HELZ: variants seen among roughly 807,000 people sequenced by gnomAD.
HELZ encodes ATP-dependent RNA helicase with zinc finger domain.
HELZ carries 23 observed loss-of-function variants against 218.2 expected under a neutral mutation model. The ratio of observed to expected loss-of-function variants is 0.11; its 90% CI spans 0.08 to 0.15. HELZ has a LOEUF of 0.15. Ranked by LOEUF, HELZ falls within the 10% of genes least tolerant of loss-of-function variation. The pLI is 1.00. For synonymous variants in HELZ, 814 were observed against 829.4 expected (o/e 0.98, Z 0.32); for missense variants, 1,813 against 2,353.7 (o/e 0.77, Z 4.75).
chr17:67,192,861 A>AT (rs1200334136), intron 9 of HELZ, among the ~76,000 whole-genome samples: 6 of 152,234 alleles, frequency 3.9e-5, no homozygotes, highest in African/African-American at 1.4e-4. Flanking sequence ...TTAATAAATA[A>AT]TTATTAAATT....
At chr17:67,143,522 T>TA (rs2143993111) in intron 21 of HELZ, among the ~76,000 whole-genome samples, 1 of 151,694 alleles carries the variant, frequency 6.6e-6, no homozygotes, top group South Asian at 2.1e-4. Context: ...AGGCTGAAGT[T>TA]AAAGGATCAC....
In HELZ at chr17:67,195,487, G is replaced by T; in HGVS notation, c.430-17C>A. 1.3e-6 allele frequency: 2 copies of T among 1,544,086 alleles called. No individual in the cohort carries two copies. Among genetic ancestry groups the T allele is most frequent in the Non-Finnish European group, 1.8e-6 (2 of 1,117,274 alleles). On this transcript the variant is annotated splice_polypyrimidine_tract_variant and intron_variant, in intron 7 of 32. Coordinates refer to ENST00000358691, the MANE Select transcript of HELZ (RefSeq NM_014877.4). ...AGTTGCTGTCTGCAATTTTCCAAAT[G>T]AAAGAATTTTTTAAACAAGAATAAC...
In HELZ at chr17:67,123,994, G is replaced by A. The variant is rs184590085; in HGVS notation, c.3408C>T (p.Thr1136=). ...CATCATTCTGGAAGTGATCATTCTG[G>A]GTATGATGAAGACTTTTCCCCTTTA... ...SPPKGKSLHH[T]QNDHFQNDGI... Residue 1136 remains threonine, a synonymous_variant, in exon 25 of 33, where the codon ACC becomes ACT. Coordinates refer to ENST00000358691, the MANE Select transcript of HELZ (RefSeq NM_014877.4). 3.7e-6 allele frequency: 6 copies of A among 1,603,566 alleles called. No individual in the cohort carries two copies. In the Admixed American group the frequency reaches 8.4e-5, roughly 22 times the overall value.
chr17:67,183,339 G>A (rs118147481), intron 12 of HELZ, among the ~76,000 whole-genome samples: 1,650 of 152,300 alleles, frequency 0.011, 20 homozygotes, highest in South Asian at 0.017. Context: ...AAACAGCAGA[G>A]TAAGAGCATT....
In HELZ at chr17:67,114,305, C is replaced by G. The variant is rs2037365947; in HGVS notation, c.3918+19G>C. On this transcript the variant is annotated intron_variant, in intron 28 of 32. Transcript: ENST00000358691. ...TCAGACTAAATCCACTAGGACAACA[C>G]AGTAACTAAGCAGCATACCTGTTTT... is the stretch of plus-strand genomic sequence containing the variant. 1 of 1,543,046 alleles carries G rather than the reference C, an allele frequency of 6.5e-7. No individual in the cohort carries two copies. Among genetic ancestry groups the G allele is most frequent in the African/African-American group, 1.4e-5 (1 of 73,296 alleles).
intron 21 of HELZ, among the ~76,000 whole-genome samples, chr17:67,140,974 T>C (rs1486431136): frequency 6.8e-6 from 1 of 146,232 alleles, no homozygotes; most frequent in Non-Finnish European, 1.5e-5. Context: ...AATAATCTTA[T>C]ATTCTACTTT....
At chr17:67,088,882 A>T (rs2036472561) in intron 31 of HELZ, among the ~76,000 whole-genome samples, 1 of 152,246 alleles carries the variant, frequency 6.6e-6, no homozygotes, top group African/African-American at 2.4e-5. Context: ...TCTTTGTCTA[A>T]GGCATTCAAT....
intron 12 of HELZ, among the ~76,000 whole-genome samples, chr17:67,180,506 A>G (rs562964130): frequency 1.3e-5 from 2 of 152,172 alleles, no homozygotes; most frequent in South Asian, 2.1e-4. Flanking sequence ...TACTTTAGGA[A>G]GCTGAAGCGG....
At chr17:67,116,269 A>C (rs2037423390) in intron 27 of HELZ, among the ~76,000 whole-genome samples, 1 of 152,110 alleles carries the variant, frequency 6.6e-6, no homozygotes, top group East Asian at 1.9e-4. Flanking sequence ...AAGGCGGAAA[A>C]ATCAATTGGA....
intron 4 of HELZ, among the ~76,000 whole-genome samples, chr17:67,216,609 G>C (rs2040607821): frequency 6.6e-6 from 1 of 151,042 alleles, no homozygotes; most frequent in Non-Finnish European, 1.5e-5. Flanking sequence ...TGTCTATGTT[G>C]ATGTATTTCA....
intron 2 of HELZ, among the ~76,000 whole-genome samples, chr17:67,241,792 A>G (rs889537510): frequency 6.6e-6 from 1 of 152,240 alleles, no homozygotes; most frequent in African/African-American, 2.4e-5. Flanking sequence ...AGGACAGACT[A>G]AAAAAGCTCT....
chr17:67,244,856 G>A, intron 1 of HELZ: 1 of 985,608 alleles, frequency 1.0e-6, no homozygotes, highest in African/African-American at 1.7e-5. Context: ...AGGCTCCCGG[G>A]CCAGGCGTGC....
chr17:67,193,703 G>A (rs1463842915), intron 9 of HELZ, among the ~76,000 whole-genome samples: 2 of 152,214 alleles, frequency 1.3e-5, no homozygotes, highest in South Asian at 2.1e-4. Context: ...GCAATAGGGC[G>A]AGACTCCATC....
chr17:67,170,810 G>C (rs1345876382), intron 13 of HELZ, among the ~76,000 whole-genome samples: 1 of 145,670 alleles, frequency 6.9e-6, no homozygotes, highest in Non-Finnish European at 1.5e-5. Context: ...CTCAGTGACA[G>C]AGTGAGACTC....
At chr17:67,152,767 T>TAAAAA (rs368609592) in intron 17 of HELZ, among the ~76,000 whole-genome samples, 2 of 124,840 alleles carry the variant, frequency 1.6e-5, no homozygotes, top group African/African-American at 3.0e-5. Context: ...AGAGTAGATT[T>TAAAAA]AAAAAAAAAA....
intron 31 of HELZ, among the ~76,000 whole-genome samples, chr17:67,105,028 G>A (rs1209110335): frequency 6.6e-6 from 1 of 152,162 alleles, no homozygotes; most frequent in Non-Finnish European, 1.5e-5. Flanking sequence ...AGCTACTCAG[G>A]AGCCTGAGGC....
Position 67,151,208 on chromosome 17 carries a change from G to A in HELZ, c.2194C>T (p.Arg732Cys), listed in dbSNP as rs1452880706. The A allele has an allele frequency of 6.2e-7, 1 of 1,606,820 alleles. No homozygotes were observed. The change falls in exon 18 of 33, where the codon CGC becomes TGC. Residue 732 changes from arginine to cysteine, a missense_variant. Coordinates refer to ENST00000358691, the MANE Select transcript of HELZ (RefSeq NM_014877.4). ...ARPLRVYFRN[R>C]WVKTVHPVVH... ...ACTGGGTGGACAGTCTTTACCCAGC[G>A]ATTTCTGAAATATACCCTGGAAAAG...
At chr17:67,089,506 T>C (rs2036493964) in intron 31 of HELZ, among the ~76,000 whole-genome samples, 1 of 151,816 alleles carries the variant, frequency 6.6e-6, no homozygotes, top group Non-Finnish European at 1.5e-5. Flanking sequence ...TCTACAGCTA[T>C]TGACAGAGAT....
intron 24 of HELZ, among the ~76,000 whole-genome samples, chr17:67,127,684 G>A (rs544813318): frequency 3.9e-5 from 6 of 152,004 alleles, no homozygotes; most frequent in East Asian, 1.9e-4. Flanking sequence ...TTGTCTCTAC[G>A]AAAAATACAA....
Sources: allele counts gnomAD v4.1 joint callset (sites outside exome capture counted in the v4.1 genomes callset), GRCh38; gene constraint gnomAD v4.1.1; transcripts MANE v1.5; gene names NCBI Gene and HGNC (gene_info 2026-07-23, HGNC 2026-07-21).